Variants in RALGAPA1 observed in about 807,000 individuals in gnomAD.
RALGAPA1 encodes the protein Ral GTPase activating protein catalytic subunit alpha 1.
Under a neutral mutation model 269.6 loss-of-function variants are expected in RALGAPA1, and 52 were observed. The ratio of observed to expected loss-of-function variants is 0.19; its 90% CI spans 0.15 to 0.24. The LOEUF is 0.24. RALGAPA1 is among the 10% of genes least tolerant of loss of function. RALGAPA1 has a pLI of 1.00. For missense variants in RALGAPA1, 1,917 were observed against 3,013.9 expected (o/e 0.64, Z 8.52); for synonymous variants, 817 against 1,008.3 (o/e 0.81, Z 3.60).
intron 37 of RALGAPA1, among the ~76,000 whole-genome samples, chr14:35,575,504 T>TG (rs1458676674): frequency 6.6e-6 from 1 of 152,218 alleles, no homozygotes; most frequent in East Asian, 1.9e-4. Context: ...TACAGGAGCT[T>TG]GTGCCACCAT....
chr14:35,596,139 T>C (rs2058920084), intron 36 of RALGAPA1, among the ~76,000 whole-genome samples: 1 of 152,036 alleles, frequency 6.6e-6, no homozygotes, highest in Non-Finnish European at 1.5e-5. Flanking sequence ...AAAGTTAAAA[T>C]GGTAATATCA....
At position 35,616,780 on chromosome 14, in the gene RALGAPA1, G is replaced by T. The variant is rs181326528; in HGVS notation, c.6929+8581C>A. Among the ~76,000 whole-genome samples, 16 of 152,266 alleles carry T rather than the reference G, an allele frequency of 1.1e-4. No individual in the cohort carries two copies. The East Asian group carries it at 2.9e-3, about 28-fold the overall frequency. On this transcript the variant is annotated intron_variant, in intron 35 of 41. Coordinates refer to ENST00000680220, the MANE Select transcript of RALGAPA1 (RefSeq NM_001346249.2). ...TGAGGACTAAAAGAACTTTAGACTT[G>T]ATGGTCAGGATGCTAACCTTCAGAA...
At chr14:35,659,325 T>G in intron 27 of RALGAPA1, 129 bp from the exon 28 acceptor site, 1 of 510,488 alleles carries the variant, frequency 2.0e-6, no homozygotes, top group Non-Finnish European at 3.3e-6. Flanking sequence ...GAGACCAATA[T>G]TATTTATAAA....
At chr14:35,611,258 G>A (rs1318481982) in intron 35 of RALGAPA1, among the ~76,000 whole-genome samples, 1 of 152,108 alleles carries the variant, frequency 6.6e-6, no homozygotes, top group Non-Finnish European at 1.5e-5. Context: ...CACTTAGGGA[G>A]GCCAAGGCGG....
intron 21 of RALGAPA1, among the ~76,000 whole-genome samples, chr14:35,682,276 A>G (rs1302783604): frequency 6.6e-6 from 1 of 150,744 alleles, no homozygotes; most frequent in East Asian, 1.9e-4. Flanking sequence ...CTCCACACTC[A>G]TTTCAACACT....
chr14:35,669,982 G>A (rs894257923), intron 26 of RALGAPA1, among the ~76,000 whole-genome samples: 1 of 152,154 alleles, frequency 6.6e-6, no homozygotes, highest in Non-Finnish European at 1.5e-5. Context: ...ATACCAAGAT[G>A]AGTAAGACAT....
At chr14:35,680,986 G>A (rs2065388851) in intron 21 of RALGAPA1, among the ~76,000 whole-genome samples, 1 of 152,018 alleles carries the variant, frequency 6.6e-6, no homozygotes, top group South Asian at 2.1e-4. Context: ...TTTTTTTAAA[G>A]CAATAAAACT....
At chr14:35,560,952 G>C in intron 39 of RALGAPA1, among the ~76,000 whole-genome samples, 1 of 152,056 alleles carries the variant, frequency 6.6e-6, no homozygotes, top group East Asian at 1.9e-4. Flanking sequence ...TAACATCGCA[G>C]GGCGTGGTGG....
chr14:35,605,753 T>C (rs771301768), intron 35 of RALGAPA1, 44 bp from the exon 36 acceptor site: 1 of 1,585,050 alleles, frequency 6.3e-7, no homozygotes, highest in Non-Finnish European at 8.5e-7. Context: ...CACTATTTTA[T>C]CTACTCATTC....
chr14:35,685,628 G>T (rs1432466724), intron 19 of RALGAPA1, among the ~76,000 whole-genome samples: 1 of 152,174 alleles, frequency 6.6e-6, no homozygotes, highest in Non-Finnish European at 1.5e-5. Flanking sequence ...TCCAGGTCCA[G>T]CACAGTGGCT....
At chr14:35,600,135 C>CTT (rs1353447238) in intron 36 of RALGAPA1, among the ~76,000 whole-genome samples, 2 of 132,890 alleles carry the variant, frequency 1.5e-5, no homozygotes, top group Non-Finnish European at 1.6e-5. Context: ...GAATGCTAGA[C>CTT]TTTTTTTTTT....
chr14:35,706,406 G>A (rs915175993), intron 16 of RALGAPA1, among the ~76,000 whole-genome samples: 3 of 152,196 alleles, frequency 2.0e-5, no homozygotes, highest in South Asian at 2.1e-4. Context: ...CCATTGAATT[G>A]CCTTTGCTCC....
intron 21 of RALGAPA1, 153 bp downstream of exon 21, chr14:35,683,656 T>C (rs914240381): frequency 1.3e-5 from 8 of 592,650 alleles, no homozygotes; most frequent in African/African-American, 1.1e-4. Flanking sequence ...AAGAAACTAA[T>C]GTCTTTTCTC....
At chr14:35,597,689 C>T (rs1345715036) in intron 36 of RALGAPA1, among the ~76,000 whole-genome samples, 1 of 152,092 alleles carries the variant, frequency 6.6e-6, no homozygotes, top group African/African-American at 2.4e-5. Flanking sequence ...TGAGCCATAC[C>T]CACTTCACTC....
intron 31 of RALGAPA1, among the ~76,000 whole-genome samples, chr14:35,650,658 A>C (rs1046418819): frequency 1.3e-5 from 2 of 152,232 alleles, no homozygotes; most frequent in African/African-American, 4.8e-5. Flanking sequence ...GTCCAGAAAC[A>C]TAACTATAGC....
chr14:35,538,362 GTGA>G lies in RALGAPA1; in HGVS notation c.*1349_*1351del, dbSNP rs1406371156. 6.6e-6 allele frequency: 1 copy of G among 152,296 alleles called. No individual in the cohort carries two copies. Among genetic ancestry groups the G allele is most frequent in the African/African-American group, 2.4e-5 (1 of 41,442 alleles). 9.4% of individuals were successfully genotyped at this position (152,296 alleles called of 1,614,324 possible). A position where few individuals can be genotyped will look rare whatever the true frequency, so the allele number is the denominator to read the frequency against. On this transcript the variant is annotated 3_prime_UTR_variant, in exon 42 of 42. Coordinates refer to ENST00000680220, the MANE Select transcript of RALGAPA1 (RefSeq NM_001346249.2). ...ACAAATCAACACTCATGGATAGGAA[GTGA>G]TAAGAATATTTTTATTGTATTATTA...
At chr14:35,803,635 C>CTTT (rs202191951) in intron 1 of RALGAPA1, among the ~76,000 whole-genome samples, 1 of 140,574 alleles carries the variant, frequency 7.1e-6, no homozygotes, top group Admixed American at 7.1e-5. Flanking sequence ...ATATAAAGAA[C>CTTT]TTTTTTTTTT....
In RALGAPA1 at chr14:35,605,646, A is replaced by C; in HGVS notation, c.6993T>G (p.Ile2331Met). Residue 2331 changes from isoleucine (I) to methionine (M), a missense_variant, in exon 36 of 42, where the codon ATT (isoleucine) becomes ATG (methionine). This residue lies in a region of RALGAPA1 where 132 missense variants were observed against 271.2 expected (regional missense o/e 0.49). Coordinates refer to ENST00000680220, the MANE Select transcript of RALGAPA1 (RefSeq NM_001346249.2). The stretch of plus-strand genomic sequence containing the variant: ...CTTGACTTCCTCCTGTATTGGTGAG[A>C]ATGGAGTGTTTGTCTTCTTGTCCTT... ...VAEGQEDKHS[I>M]LTNTGGSQAY... The C allele has an allele frequency of 6.2e-7, 1 of 1,611,854 alleles. No individual in the cohort carries two copies. Among genetic ancestry groups the C allele is most frequent in the Non-Finnish European group, 8.5e-7 (1 of 1,179,226 alleles).
At chr14:35,546,258 A>C (rs954685774) in intron 41 of RALGAPA1, among the ~76,000 whole-genome samples, 1 of 152,098 alleles carries the variant, frequency 6.6e-6, no homozygotes, top group Non-Finnish European at 1.5e-5. Flanking sequence ...GTTTTCTCGG[A>C]TTTAAATGTC....
Sources: allele counts gnomAD v4.1 joint callset (sites outside exome capture counted in the v4.1 genomes callset), GRCh38; gene constraint gnomAD v4.1.1; regional missense constraint gnomAD v4.1.1; transcripts MANE v1.5; gene names NCBI Gene and HGNC (gene_info 2026-07-23, HGNC 2026-07-21).